TLE4: variants seen among roughly 807,000 people sequenced by gnomAD.
The protein encoded by TLE4 is transducin-like enhancer protein 4.
TLE4 carries 8 observed loss-of-function variants against 92.8 expected under a neutral mutation model. The observed-to-expected ratio is 0.09, with a 90% CI of 0.05 to 0.16. TLE4 has a LOEUF of 0.16. Among genes scored for constraint, TLE4 ranks in the 10% least tolerant of loss-of-function variants. The pLI, the probability that TLE4 is intolerant of heterozygous loss-of-function variation, is 1.00. For missense variants in TLE4, 675 were observed against 997.6 expected, an observed-to-expected ratio of 0.68 and a Z score of 4.36; for synonymous variants, 371 against 374.1, an observed-to-expected ratio of 0.99 and a Z score of 0.10.
At chr9:79,674,653 C>T (rs980157647) in intron 8 of TLE4, among the ~76,000 whole-genome samples, 1 of 152,104 alleles carries the variant, frequency 6.6e-6, no homozygotes, top group Admixed American at 6.6e-5. Flanking sequence ...TTTCATGTGA[C>T]TTGTCTGTCA....
intron 8 of TLE4, among the ~76,000 whole-genome samples, chr9:79,689,611 T>C (rs2066623542): frequency 1.3e-5 from 2 of 152,282 alleles, no homozygotes; most frequent in South Asian, 4.1e-4. Flanking sequence ...TCTTATGACA[T>C]GGTTATGATT....
intron 19 of TLE4, among the ~76,000 whole-genome samples, chr9:79,724,806 C>G (rs2076190006): frequency 7.3e-6 from 1 of 136,630 alleles, no homozygotes; most frequent in Non-Finnish European, 1.5e-5. Flanking sequence ...ATGGTCACAC[C>G]ACTGCACTGC....
At chr9:79,706,354 A>G (rs1189364802) in intron 10 of TLE4, among the ~76,000 whole-genome samples, 2 of 151,894 alleles carry the variant, frequency 1.3e-5, no homozygotes, top group African/African-American at 4.8e-5. Flanking sequence ...TTTTATTTAC[A>G]TAAAAATTAT....
chr9:79,616,568 G>GA (rs2049673136), intron 5 of TLE4, among the ~76,000 whole-genome samples: 2 of 152,070 alleles, frequency 1.3e-5, no homozygotes, highest in South Asian at 4.1e-4. Context: ...CCTTATAGAA[G>GA]AAAAAATGAA....
At chr9:79,678,548 A>G (rs1203017119) in intron 8 of TLE4, among the ~76,000 whole-genome samples, 2 of 152,086 alleles carry the variant, frequency 1.3e-5, no homozygotes, top group Non-Finnish European at 2.9e-5. Flanking sequence ...AATTCTCATC[A>G]AAATCACCTG....
intron 8 of TLE4, among the ~76,000 whole-genome samples, chr9:79,661,266 G>C (rs1165384863): frequency 6.6e-6 from 1 of 152,046 alleles, no homozygotes; most frequent in African/African-American, 2.4e-5. Flanking sequence ...CCCCACTCTG[G>C]AAAAATTATA....
intron 16 of TLE4, among the ~76,000 whole-genome samples, chr9:79,721,200 A>G (rs1019053050): frequency 2.6e-5 from 4 of 152,160 alleles, no homozygotes; most frequent in African/African-American, 4.8e-5. Context: ...ACGTTTTGCC[A>G]TGAGTGATTC....
At position 79,605,418 on chromosome 9, in the gene TLE4, A is replaced by C. The variant is rs1032483738; in HGVS notation, c.253-7238A>C. On this transcript the variant is annotated intron_variant, in intron 4 of 19. Transcript: ENST00000376552. Reference sequence around the variant, plus strand: ...ACAATGATCGTCATTCTCAACCTTGATAATTTATCTCTCTCGATCACTGTT... The same window carrying C: ...ACAATGATCGTCATTCTCAACCTTGCTAATTTATCTCTCTCGATCACTGTT... Among the ~76,000 whole-genome samples the C allele has an allele frequency of 2.7e-4, 41 of 152,250 alleles. No individual in the cohort carries two copies. The South Asian group carries it at 3.5e-3, about 13-fold the overall frequency.
chr9:79,646,895 C>T (rs1248128549), intron 6 of TLE4, among the ~76,000 whole-genome samples: 1 of 152,088 alleles, frequency 6.6e-6, no homozygotes, highest in Non-Finnish European at 1.5e-5. Context: ...ATGTATAAAA[C>T]GGTGACTGAT....
chr9:79,600,115 T>C (rs2045236574), intron 4 of TLE4, among the ~76,000 whole-genome samples: 1 of 152,230 alleles, frequency 6.6e-6, no homozygotes, highest in Admixed American at 6.5e-5. Context: ...TTAGGCTTTT[T>C]CTAAGGTGCA....
chr9:79,592,044 G>C (rs539342040), intron 4 of TLE4, among the ~76,000 whole-genome samples: 1 of 152,114 alleles, frequency 6.6e-6, no homozygotes. Context: ...CCTTTTGTGG[G>C]CATGTGTTTT....
Position 79,574,949 on chromosome 9 carries a change from T to A in TLE4, c.207+13T>A. The A allele has an allele frequency of 6.2e-7, 1 of 1,611,874 alleles. No homozygotes were observed. Among genetic ancestry groups the A allele is most frequent in the Middle Eastern group, 1.7e-4 (1 of 6,056 alleles). On this transcript the variant is annotated intron_variant, in intron 3 of 19. Transcript: ENST00000376552. ...GCATTATGTCATGGTAAGAAAACCA[T>A]GTCACAGATTCAAAGTGCCTATTAG... is the stretch of plus-strand genomic sequence containing the variant.
At chr9:79,641,855 A>G (rs1252080348) in intron 6 of TLE4, among the ~76,000 whole-genome samples, 1 of 151,980 alleles carries the variant, frequency 6.6e-6, no homozygotes, top group African/African-American at 2.4e-5. Flanking sequence ...AGGAGATCAC[A>G]CATGTGAGTG....
chr9:79,723,183 A>G (rs1588666250), intron 19 of TLE4, 148 bp downstream of exon 19: 1 of 747,958 alleles, frequency 1.3e-6, no homozygotes, highest in East Asian at 2.8e-5. Context: ...GTCCAAGGAG[A>G]GGTTAAGTGT....
At chr9:79,715,819 C>T (rs1391857803) in intron 14 of TLE4, among the ~76,000 whole-genome samples, 1 of 152,164 alleles carries the variant, frequency 6.6e-6, no homozygotes, top group African/African-American at 2.4e-5. Flanking sequence ...TCCTCACCTT[C>T]AGTTACCTGT....
At chr9:79,623,332 T>C (rs886504151) in intron 5 of TLE4, among the ~76,000 whole-genome samples, 3 of 152,180 alleles carry the variant, frequency 2.0e-5, no homozygotes, top group African/African-American at 7.2e-5. Context: ...CTGAGAAATA[T>C]ATATTAAACA....
At chr9:79,691,650 G>T (rs183010447) in intron 8 of TLE4, among the ~76,000 whole-genome samples, 2 of 152,150 alleles carry the variant, frequency 1.3e-5, no homozygotes, top group East Asian at 3.9e-4. Flanking sequence ...CAGTGCCATT[G>T]CCAGCTTTCC....
intron 5 of TLE4, among the ~76,000 whole-genome samples, chr9:79,620,754 A>T (rs1209703035): frequency 6.6e-6 from 1 of 152,204 alleles, no homozygotes; most frequent in African/African-American, 2.4e-5. Context: ...GGTAATTTAT[A>T]AAGAAAAGGC....
intron 6 of TLE4, among the ~76,000 whole-genome samples, chr9:79,644,583 C>T (rs1233884851): frequency 6.6e-6 from 1 of 152,176 alleles, no homozygotes; most frequent in Non-Finnish European, 1.5e-5. Context: ...TGTGATGCTT[C>T]CCAAATGTCA....
Sources: gnomAD v4.1 joint callset for allele counts (sites outside exome capture counted in the v4.1 genomes callset) on GRCh38, gnomAD v4.1.1 for gene constraint, MANE v1.5 for transcripts, NCBI Gene and HGNC (gene_info 2026-07-23, HGNC 2026-07-21) for gene names.